Variants in HERC1 observed in about 807,000 individuals in gnomAD.
The protein encoded by HERC1 is HECT and RLD domain containing E3 ubiquitin protein ligase family member 1.
Under a neutral mutation model 554.3 loss-of-function variants are expected in HERC1, and 160 were observed. The observed-to-expected ratio is 0.29, with a 90% CI of 0.25 to 0.33. The LOEUF is 0.33. Among genes scored for constraint, HERC1 ranks in the 10% least tolerant of loss-of-function variants. The pLI, the probability that HERC1 is intolerant of heterozygous loss-of-function variation, is 1.00. For missense variants in HERC1, 4,919 were observed against 5,918.5 expected (o/e 0.83, Z 5.54); for synonymous variants, 2,175 against 2,131.7 (o/e 1.02, Z -0.56).
chr15:63,701,646 C>T (rs547867247), intron 25 of HERC1, among the ~76,000 whole-genome samples: 3 of 152,130 alleles, frequency 2.0e-5, no homozygotes, highest in Admixed American at 6.5e-5. Flanking sequence ...TGAGCCCTAA[C>T]GGATGAAATT....
At chr15:63,626,279 T>C in intron 70 of HERC1, 125 bp from the exon 71 acceptor site, 4 of 846,202 alleles carry the variant, frequency 4.7e-6, no homozygotes, top group Non-Finnish European at 7.3e-6. Flanking sequence ...TTCAAACCTC[T>C]ATCCATCGAT....
chr15:63,628,904 A>T (rs538643300), intron 69 of HERC1, 89 bp from the exon 70 acceptor site: 4 of 1,275,648 alleles, frequency 3.1e-6, no homozygotes, highest in Non-Finnish European at 4.4e-6. Flanking sequence ...GGTGGCAGAC[A>T]TAAATAAGTT....
chr15:63,694,590 A>C lies in HERC1; in HGVS notation c.5243-41T>G, dbSNP rs781147789. On this transcript the variant is annotated intron_variant, in intron 28 of 77. Coordinates refer to ENST00000443617, the MANE Select transcript of HERC1 (RefSeq NM_003922.4). This position sits in a 1 kb window ranked among gnomAD's most constrained non-coding sequence, Gnocchi z 4.3. ...ACAGTTAAGAATCTTCCTTTCAGTA[A>C]ACAAAGCATTTATTAAAATGAATAA... The C allele has an allele frequency of 5.2e-6, 8 of 1,537,560 alleles. No homozygotes were observed. In the East Asian group the frequency reaches 1.4e-4, roughly 26 times the overall value.
chr15:63,610,658 T>C (rs1209242293), intron 77 of HERC1, among the ~76,000 whole-genome samples: 1 of 152,248 alleles, frequency 6.6e-6, no homozygotes, highest in Non-Finnish European at 1.5e-5. Flanking sequence ...CCAGCAAGCC[T>C]AGCCCAGGAG....
In HERC1 at chr15:63,630,568, C is replaced by A; in HGVS notation, c.12864G>T (p.Leu4288=). 1 of 1,614,048 alleles carries A rather than the reference C, an allele frequency of 6.2e-7. No individual in the cohort carries two copies. Among genetic ancestry groups the A allele is most frequent in the Non-Finnish European group, 8.5e-7 (1 of 1,179,892 alleles). Reference sequence around the variant, plus strand: ...CCACATCTTCTATGATTACTCCAGCCAGGACAGGGATTTGTTGCGGTCGAT... The same window carrying A: ...CCACATCTTCTATGATTACTCCAGCAAGGACAGGGATTTGTTGCGGTCGAT... ...NHNRPQQIPV[L]AGVIIEDVAV... The change falls in exon 69 of 78, where the codon CTG becomes CTT. Residue 4288 remains leucine, a synonymous_variant. Transcript: ENST00000443617.
At chr15:63,823,598 T>C (rs2077777477) in intron 1 of HERC1, among the ~76,000 whole-genome samples, 1 of 152,222 alleles carries the variant, frequency 6.6e-6, no homozygotes, top group Non-Finnish European at 1.5e-5. Flanking sequence ...TTGACAATGG[T>C]CGGAGTGGAT....
chr15:63,736,169 A>C (rs1443513595), intron 12 of HERC1, among the ~76,000 whole-genome samples: 2 of 152,208 alleles, frequency 1.3e-5, no homozygotes, highest in Non-Finnish European at 1.5e-5. Flanking sequence ...CAAAAATGAG[A>C]AAAACCAAAA....
chr15:63,782,809 A>G (rs1262313382), intron 1 of HERC1, among the ~76,000 whole-genome samples: 2 of 152,230 alleles, frequency 1.3e-5, no homozygotes, highest in Non-Finnish European at 2.9e-5. Context: ...ATCAATATTA[A>G]CAAGAGTTTG....
Position 63,652,396 on chromosome 15 carries a change from C to A in HERC1, c.10418+18G>T. ...ATTCTCTTATTTTAAATGGTATACA[C>A]GTGATGTTAGCACTCACAATCTGTT... On this transcript the variant is annotated intron_variant, in intron 52 of 77. Transcript: ENST00000443617. 1 of 1,609,472 alleles carries A rather than the reference C, an allele frequency of 6.2e-7. No homozygotes were observed.
At chr15:63,780,723 A>G (rs985817255) in intron 1 of HERC1, among the ~76,000 whole-genome samples, 1 of 149,410 alleles carries the variant, frequency 6.7e-6, no homozygotes, top group Non-Finnish European at 1.5e-5. Context: ...CTCCGTTTCA[A>G]AAAAAAAAAG....
At chr15:63,688,987 C>T (rs1389066725) in intron 33 of HERC1, among the ~76,000 whole-genome samples, 1 of 152,136 alleles carries the variant, frequency 6.6e-6, no homozygotes, top group Admixed American at 6.6e-5. Context: ...TGTTGGTCCC[C>T]TGCTTTAGGT....
Position 63,758,054 on chromosome 15 carries a change from G to T in HERC1, c.1221+121C>A, listed in dbSNP as rs1242158017. ...ATGAAAAAAACTAATGCAGTATATA[G>T]ACCAGAAATAACCATCGATAATTTT... On this transcript the variant is annotated intron_variant, in intron 4 of 77. Transcript: ENST00000443617. This position sits in a 1 kb window ranked among gnomAD's most constrained non-coding sequence, Gnocchi z 4.0. 1.1e-5 allele frequency: 8 copies of T among 761,716 alleles called. No homozygotes were observed. Among genetic ancestry groups the T allele is most frequent in the Non-Finnish European group, 1.4e-5 (7 of 487,024 alleles). The allele number at this position is 761,716 out of a possible 1,614,324, so 47.2% of individuals were successfully genotyped here. A position where few individuals can be genotyped will look rare whatever the true frequency, so the allele number is the denominator to read the frequency against.
intron 22 of HERC1, among the ~76,000 whole-genome samples, chr15:63,714,542 T>C (rs2073450594): frequency 7.2e-6 from 1 of 138,714 alleles, no homozygotes; most frequent in South Asian, 2.2e-4. Context: ...TTTTCCTTTT[T>C]CTGTTTTTTT....
intron 17 of HERC1, 29 bp from the exon 18 acceptor site, chr15:63,725,542 C>G (rs376427652): frequency 1.3e-6 from 2 of 1,556,664 alleles, no homozygotes; most frequent in African/African-American, 2.7e-5. Context: ...GTTATTGTGT[C>G]TTTATCTGGT....
intron 1 of HERC1, among the ~76,000 whole-genome samples, chr15:63,797,042 C>A (rs1056632889): frequency 9.2e-5 from 14 of 152,034 alleles, no homozygotes; most frequent in African/African-American, 3.1e-4. Context: ...GAGGAGGGGG[C>A]CATTCAGATG....
intron 38 of HERC1, among the ~76,000 whole-genome samples, chr15:63,672,992 T>C (rs2071014059): frequency 6.6e-6 from 1 of 152,318 alleles, no homozygotes; most frequent in Non-Finnish European, 1.5e-5. Flanking sequence ...TCACTTTTGG[T>C]TGTAAGATCT....
intron 75 of HERC1, 55 bp from the exon 76 acceptor site, chr15:63,615,975 G>T: frequency 1.4e-6 from 2 of 1,407,418 alleles, no homozygotes; most frequent in Non-Finnish European, 1.9e-6. Flanking sequence ...ACAGCAAAAA[G>T]TATTTTACAT....
chr15:63,692,299 A>G lies in HERC1; in HGVS notation c.5830+112T>C. ...AATAGGTACGCAGAAAATAAGAAAG[A>G]AAAGCCTTCAAATCAAGGTTACACA... On this transcript the variant is annotated intron_variant, in intron 31 of 77. Transcript: ENST00000443617. The surrounding 1 kb of genome is among the most constrained non-coding windows in gnomAD (Gnocchi z 4.7). 2 of 779,354 alleles carry G rather than the reference A, an allele frequency of 2.6e-6. No homozygotes were observed. The highest frequency in any genetic ancestry group is 3.8e-6 in the Non-Finnish European group (2 of 519,484). The allele number at this position is 779,354 out of a possible 1,614,324, so 48.3% of individuals were successfully genotyped here.
rs2072890186 is a variant in HERC1 at position 63,704,372 on chromosome 15, C to CA, written c.4636+2407dup. Reference sequence around the variant, plus strand: ...GACCTGGTTAACACAGACTGAATCTCAAATTATATTTCCATATGCATGATA... The same window carrying CA: ...GACCTGGTTAACACAGACTGAATCTCAAAATTATATTTCCATATGCATGATA... On this transcript the variant is annotated intron_variant, in intron 25 of 77. Transcript: ENST00000443617. Among the ~76,000 whole-genome samples the CA allele has an allele frequency of 2.0e-5, 3 of 152,230 alleles. No individual in the cohort carries two copies. In the South Asian group the frequency reaches 6.2e-4, roughly 32 times the overall value.
Sources: gnomAD v4.1 joint callset for allele counts (sites outside exome capture counted in the v4.1 genomes callset) on GRCh38, gnomAD v4.1.1 for gene constraint, Gnocchi (gnomAD v3.1) non-coding constraint, MANE v1.5 for transcripts, NCBI Gene and HGNC (gene_info 2026-07-23, HGNC 2026-07-21) for gene names.